Variants in RNU5A-1 observed in about 807,000 individuals in gnomAD.
RNU5A-1 encodes RNA, U5C small nuclear.
At chr15:65,296,056 C>T (rs144597304) in exon 1 of RNU5A-1, 9 of 152,160 alleles carry the variant, frequency 5.9e-5, no homozygotes, top group South Asian at 4.1e-4. Flanking sequence ...CTGGTATACT[C>T]TGGTTTCTCT....
exon 1 of RNU5A-1, chr15:65,296,116 A>G (rs1227810276): frequency 6.6e-6 from 1 of 152,150 alleles, no homozygotes; most frequent in Non-Finnish European, 1.5e-5. Context: ...CGTGGAGAGG[A>G]ACAACTCTGA....
chr15:65,296,098 A>G (rs2090716682), exon 1 of RNU5A-1: 1 of 152,162 alleles, frequency 6.6e-6, no homozygotes, highest in Non-Finnish European at 1.5e-5. Context: ...CCTTTTACTA[A>G]AGATTTCCGT....
exon 1 of RNU5A-1, chr15:65,296,111 A>G (rs1431834068): frequency 1.3e-5 from 2 of 152,190 alleles, no homozygotes; most frequent in South Asian, 2.1e-4. Flanking sequence ...ATTTCCGTGG[A>G]GAGGAACAAC....
chr15:65,296,073 C>G (rs560131367), exon 1 of RNU5A-1: 3 of 152,144 alleles, frequency 2.0e-5, no homozygotes, highest in East Asian at 1.9e-4. Flanking sequence ...CTCTTCAGAT[C>G]GCATAAATCT....
exon 1 of RNU5A-1, chr15:65,296,066 T>C (rs982569021): frequency 4.6e-5 from 7 of 152,212 alleles, no homozygotes; most frequent in Non-Finnish European, 8.8e-5. Flanking sequence ...CTGGTTTCTC[T>C]TCAGATCGCA....
exon 1 of RNU5A-1, chr15:65,296,071 A>G (rs949040200): frequency 5.9e-5 from 9 of 152,208 alleles, no homozygotes; most frequent in Non-Finnish European, 1.2e-4. Flanking sequence ...TTCTCTTCAG[A>G]TCGCATAAAT....
chr15:65,296,159 G>A (rs148009672), exon 1 of RNU5A-1: 1 of 152,266 alleles, frequency 6.6e-6, no homozygotes, highest in African/African-American at 2.4e-5. Flanking sequence ...CCTTGCTTTG[G>A]CAAGGCTATA....
exon 1 of RNU5A-1, chr15:65,296,089 C>T (rs575625675): frequency 2.6e-5 from 4 of 152,292 alleles, no homozygotes; most frequent in Non-Finnish European, 2.9e-5. Context: ...AATCTTTCGC[C>T]TTTTACTAAA....
chr15:65,296,118 C>G (rs186195657), exon 1 of RNU5A-1: 24 of 152,174 alleles, frequency 1.6e-4, no homozygotes, highest in African/African-American at 3.1e-4. Flanking sequence ...TGGAGAGGAA[C>G]AACTCTGAGT....
exon 1 of RNU5A-1, chr15:65,296,133 AC>A (rs1426516937): frequency 6.6e-6 from 1 of 152,186 alleles, no homozygotes; most frequent in Non-Finnish European, 1.5e-5. Flanking sequence ...CTGAGTCTTA[AC>A]CCAATTTTTT....
exon 1 of RNU5A-1, chr15:65,296,083 T>G (rs1056770894): frequency 6.6e-6 from 1 of 152,228 alleles, no homozygotes; most frequent in African/African-American, 2.4e-5. Context: ...CGCATAAATC[T>G]TTCGCCTTTT....
exon 1 of RNU5A-1, chr15:65,296,108 T>G (rs755642447): frequency 6.6e-6 from 1 of 152,184 alleles, no homozygotes; most frequent in African/African-American, 2.4e-5. Flanking sequence ...AAGATTTCCG[T>G]GGAGAGGAAC....
At chr15:65,296,167 A>G (rs544995213), downstream of RNU5A-1, 19 of 152,212 alleles carry the variant, frequency 1.2e-4, no homozygotes, top group Admixed American at 2.6e-4. Context: ...TGGCAAGGCT[A>G]TATGTGGTAA....
exon 1 of RNU5A-1, chr15:65,296,164 G>T (rs911737051): frequency 6.6e-6 from 1 of 152,332 alleles, no homozygotes; most frequent in Non-Finnish European, 1.5e-5. Flanking sequence ...CTTTGGCAAG[G>T]CTATATGTGG....
exon 1 of RNU5A-1, chr15:65,296,129 C>G (rs899188442): frequency 2.6e-5 from 4 of 152,184 alleles, no homozygotes; most frequent in African/African-American, 9.7e-5. Flanking sequence ...AACTCTGAGT[C>G]TTAACCCAAT....
exon 1 of RNU5A-1, chr15:65,296,123 C>CT (rs1310314254): frequency 1.4e-4 from 22 of 152,156 alleles, no homozygotes; most frequent in Non-Finnish European, 2.2e-4. Flanking sequence ...AGGAACAACT[C>CT]TGAGTCTTAA....
Sources: allele counts gnomAD v4.1 joint callset, GRCh38; gene constraint gnomAD v4.1.1; transcripts MANE v1.5; gene names NCBI Gene and HGNC (gene_info 2026-07-23, HGNC 2026-07-21).